Variants in PCDH9 observed in about 807,000 individuals in gnomAD.
The protein encoded by PCDH9 is protocadherin-9.
A neutral mutation model predicts 70.6 loss-of-function variants in PCDH9; 24 were observed. The ratio of observed to expected loss-of-function variants is 0.34; its 90% CI spans 0.25 to 0.48. PCDH9 has a LOEUF of 0.48. Among genes scored for constraint, PCDH9 ranks in the 20% least tolerant of loss-of-function variants. The pLI, the probability that PCDH9 is intolerant of heterozygous loss-of-function variation, is 0.99. For missense variants in PCDH9, 1,281 were observed against 1,503.6 expected (o/e 0.85, Z 2.45); for synonymous variants, 562 against 558.5 (o/e 1.01, Z -0.09).
chr13:66,856,982 A>G (rs2081405540), intron 3 of PCDH9, among the ~76,000 whole-genome samples: 1 of 152,122 alleles, frequency 6.6e-6, no homozygotes, highest in African/African-American at 2.4e-5. Flanking sequence ...AAACCACATA[A>G]TTGAGTATAA....
chr13:66,935,204 G>A (rs1278487284), intron 2 of PCDH9, among the ~76,000 whole-genome samples: 1 of 151,966 alleles, frequency 6.6e-6, no homozygotes, highest in East Asian at 1.9e-4. Context: ...GGGACTACAG[G>A]CATGCACCAT....
At chr13:66,854,794 G>A (rs1340606185) in intron 3 of PCDH9, among the ~76,000 whole-genome samples, 2 of 151,980 alleles carry the variant, frequency 1.3e-5, no homozygotes, top group East Asian at 3.9e-4. Flanking sequence ...TATTGTTGTT[G>A]GCCAGGAGTT....
At chr13:67,061,938 A>G (rs1216728053) in intron 2 of PCDH9, among the ~76,000 whole-genome samples, 1 of 152,172 alleles carries the variant, frequency 6.6e-6, no homozygotes, top group Non-Finnish European at 1.5e-5. Flanking sequence ...GCTCCAGCTA[A>G]ATGAACTGAT....
At chr13:66,556,027 A>C (rs1285539972) in intron 4 of PCDH9, among the ~76,000 whole-genome samples, 1 of 150,082 alleles carries the variant, frequency 6.7e-6, no homozygotes, top group Admixed American at 6.7e-5. Context: ...CAGAGAACAC[A>C]GTTCCGATAA....
At chr13:66,756,667 C>T (rs2079542349) in intron 3 of PCDH9, among the ~76,000 whole-genome samples, 1 of 152,024 alleles carries the variant, frequency 6.6e-6, no homozygotes, top group Admixed American at 6.6e-5. Context: ...AAAAAACATG[C>T]TTGTGTCATT....
intron 3 of PCDH9, among the ~76,000 whole-genome samples, chr13:66,890,515 C>A (rs941082817): frequency 4.8e-5 from 5 of 103,262 alleles, no homozygotes; most frequent in Non-Finnish European, 9.8e-5. Context: ...TAAATTCTTT[C>A]TCTGCTCTTT....
intron 4 of PCDH9, among the ~76,000 whole-genome samples, chr13:66,510,787 C>A (rs1481609470): frequency 2.0e-5 from 3 of 152,134 alleles, no homozygotes; most frequent in Admixed American, 2.0e-4. Flanking sequence ...GGTTCCAAGT[C>A]TTTGCTATTG....
At chr13:66,494,120 G>T in intron 4 of PCDH9, among the ~76,000 whole-genome samples, 1 of 152,122 alleles carries the variant, frequency 6.6e-6, no homozygotes, top group Non-Finnish European at 1.5e-5. Context: ...CTATGAGAAT[G>T]CAGAGATGTA....
chr13:66,602,752 C>T (rs1057005606), intron 4 of PCDH9, among the ~76,000 whole-genome samples: 2 of 145,690 alleles, frequency 1.4e-5, no homozygotes, highest in African/African-American at 4.9e-5. Context: ...TTCACATTTA[C>T]TCACCATTCA....
intron 4 of PCDH9, among the ~76,000 whole-genome samples, chr13:66,553,374 G>C (rs891661210): frequency 3.9e-5 from 6 of 152,140 alleles, no homozygotes; most frequent in Non-Finnish European, 8.8e-5. Context: ...ATATTAAACT[G>C]TTGGATAAGT....
At chr13:67,114,036 C>T (rs1259835869) in intron 2 of PCDH9, among the ~76,000 whole-genome samples, 1 of 152,114 alleles carries the variant, frequency 6.6e-6, no homozygotes, top group Non-Finnish European at 1.5e-5. Flanking sequence ...CATAACATAG[C>T]TTCATTATAA....
intron 2 of PCDH9, among the ~76,000 whole-genome samples, chr13:67,005,990 G>T (rs1403372435): frequency 6.6e-6 from 1 of 152,144 alleles, no homozygotes; most frequent in African/African-American, 2.4e-5. Flanking sequence ...ACTTTGGGAG[G>T]CCAAGGCGGG....
At chr13:66,408,443 T>C (rs1422991413) in intron 4 of PCDH9, among the ~76,000 whole-genome samples, 3 of 152,240 alleles carry the variant, frequency 2.0e-5, no homozygotes, top group African/African-American at 4.8e-5. Context: ...GATATACATT[T>C]TCATAAACAG....
chr13:66,435,751 C>T (rs1957857809), intron 4 of PCDH9, among the ~76,000 whole-genome samples: 1 of 152,140 alleles, frequency 6.6e-6, no homozygotes, highest in Admixed American at 6.5e-5. Flanking sequence ...CTGTTTTAAT[C>T]ATATATAAAT....
intron 3 of PCDH9, among the ~76,000 whole-genome samples, chr13:66,779,873 ATGTGTGTGTGTG>A (rs35090227): frequency 1.2e-4 from 14 of 115,878 alleles, no homozygotes; most frequent in African/African-American, 4.4e-4. Flanking sequence ...ATATACATAT[ATGTGTGTGTGTG>A]TGTGTGTGTG....
At chr13:66,858,594 C>A (rs910794278) in intron 3 of PCDH9, among the ~76,000 whole-genome samples, 2 of 152,070 alleles carry the variant, frequency 1.3e-5, no homozygotes, top group African/African-American at 4.8e-5. Context: ...CCTGAATACT[C>A]TTTTATATTT....
chr13:66,437,824 G>A (rs796321140), intron 4 of PCDH9, among the ~76,000 whole-genome samples: 5 of 152,256 alleles, frequency 3.3e-5, no homozygotes, highest in African/African-American at 7.2e-5. Context: ...TCATACTTAT[G>A]TTGACTAAAA....
intron 4 of PCDH9, among the ~76,000 whole-genome samples, chr13:66,578,973 T>C (rs112034271): frequency 4.0e-4 from 61 of 152,212 alleles, no homozygotes; most frequent in African/African-American, 1.4e-3. Context: ...AATTCCATCA[T>C]TGACCCTATT....
chr13:66,737,975 G>A (rs561107676), intron 3 of PCDH9, among the ~76,000 whole-genome samples: 2 of 152,142 alleles, frequency 1.3e-5, no homozygotes, highest in South Asian at 2.1e-4. Context: ...CAGGAAGCTC[G>A]AACTGGGTGG....
Sources: gnomAD v4.1 joint callset for allele counts (sites outside exome capture counted in the v4.1 genomes callset) on GRCh38, gnomAD v4.1.1 for gene constraint, MANE v1.5 for transcripts, NCBI Gene and HGNC (gene_info 2026-07-23, HGNC 2026-07-21) for gene names.